Variants in RNF6 observed in about 807,000 individuals in gnomAD.
RNF6 encodes the protein E3 ubiquitin-protein ligase RNF6.
RNF6 carries 21 observed loss-of-function variants against 50.1 expected under a neutral mutation model. The ratio of observed to expected loss-of-function variants is 0.42; its 90% CI spans 0.30 to 0.60. RNF6 has a LOEUF of 0.60. Ranked by LOEUF, RNF6 falls within the 20% of genes least tolerant of loss-of-function variation. RNF6 has a pLI of 0.20. For missense variants in RNF6, 698 were observed against 838.2 expected (o/e 0.83, Z 2.07); for synonymous variants, 255 against 291.8 (o/e 0.87, Z 1.29).
At position 26,214,700 on chromosome 13, in the gene RNF6, A is replaced by G. The variant is rs141651510; in HGVS notation, c.1182T>C (p.His394=). 1.9e-6 allele frequency: 3 copies of G among 1,614,072 alleles called. No homozygotes were observed. Among genetic ancestry groups the G allele is most frequent in the Non-Finnish European group, 2.5e-6 (3 of 1,180,044 alleles). ...SSRSSTAVRR[H]PTITLDLQVR... is the part of the protein sequence containing the mutation. ...CTTGAAGGTCCAGTGTGATTGTTGG[A>G]TGTCGTCGTACAGCAGTTGAGGATC... The change falls in exon 5 of 5, where the codon CAT becomes CAC. Residue 394 remains histidine (H), a synonymous_variant. Transcript: ENST00000381588.
intron 5 of RNF6, among the ~76,000 whole-genome samples, chr13:26,161,479 C>T (rs963152036): frequency 1.3e-5 from 2 of 152,062 alleles, no homozygotes; most frequent in Non-Finnish European, 2.9e-5. Flanking sequence ...TTATTTAGGT[C>T]CCCTTTGTGT....
chr13:26,184,987 T>TATTG (rs139595924), intron 5 of RNF6, among the ~76,000 whole-genome samples: 20,153 of 151,646 alleles, frequency 0.13, 2,015 homozygotes, highest in African/African-American at 0.29. Flanking sequence ...GTTATCATTT[T>TATTG]ATTGATTGAT....
intron 5 of RNF6, among the ~76,000 whole-genome samples, chr13:26,201,569 C>T (rs1421264692): frequency 1.3e-5 from 2 of 152,102 alleles, no homozygotes; most frequent in Non-Finnish European, 2.9e-5. Flanking sequence ...ATTTAAGATT[C>T]CTGCCAGCCT....
At chr13:26,145,845 C>G (rs1397887909) in intron 5 of RNF6, among the ~76,000 whole-genome samples, 1 of 152,154 alleles carries the variant, frequency 6.6e-6, no homozygotes, top group African/African-American at 2.4e-5. Context: ...CTTGGCCTTT[C>G]CCACCACAAT....
intron 1 of RNF6, 66 bp downstream of exon 1, chr13:26,221,937 A>C (rs984933524): frequency 6.6e-6 from 1 of 152,480 alleles, no homozygotes; most frequent in East Asian, 1.9e-4. Context: ...GGCTCGAAGG[A>C]TGGCCTGCTT....
intron 5 of RNF6, among the ~76,000 whole-genome samples, chr13:26,174,736 C>T (rs1318941747): frequency 6.6e-6 from 1 of 152,140 alleles, no homozygotes; most frequent in African/African-American, 2.4e-5. Flanking sequence ...CAAACGGTCC[C>T]AATCCCAGAT....
Position 26,145,450 on chromosome 13 carries a change from A to C in RNF6, n.769-12999T>G, listed in dbSNP as rs68194307. Among the ~76,000 whole-genome samples, 19 of 27,444 alleles carry C rather than the reference A, an allele frequency of 6.9e-4. 1 individual carries two copies. The highest frequency in any genetic ancestry group is 3.8e-3 in the East Asian group (3 of 784). 18.0% of individuals were successfully genotyped at this position (27,444 alleles called of 152,430 possible). On this transcript the variant is annotated intron_variant and non_coding_transcript_variant, in intron 5 of 5. Transcript: ENST00000468480. ...AGTAGGAGGTGACTGAATCATGGGGAGGGGGGGGGACTTCCCCCTTACTGT... is the reference window on the plus strand; with the variant it reads ...AGTAGGAGGTGACTGAATCATGGGGCGGGGGGGGGACTTCCCCCTTACTGT...
chr13:26,199,647 T>C (rs4770957), intron 5 of RNF6, among the ~76,000 whole-genome samples: 70,758 of 152,046 alleles, frequency 0.47, 19,615 homozygotes, highest in East Asian at 0.69. Context: ...TATATGTATG[T>C]AGATATAAAT....
At chr13:26,138,482 T>C (rs1302107268) in intron 5 of RNF6, among the ~76,000 whole-genome samples, 1 of 152,202 alleles carries the variant, frequency 6.6e-6, no homozygotes, top group South Asian at 2.1e-4. Context: ...TTTTTCTTTG[T>C]AACTCCTTGT....
At chr13:26,198,288 T>C (rs1036737915) in intron 5 of RNF6, among the ~76,000 whole-genome samples, 1 of 151,820 alleles carries the variant, frequency 6.6e-6, no homozygotes, top group Admixed American at 6.6e-5. Flanking sequence ...TCAAGGGCAG[T>C]CTGCTGGCAA....
chr13:26,210,615 A>C (rs1431809625), downstream of RNF6, among the ~76,000 whole-genome samples: 1 of 152,226 alleles, frequency 6.6e-6, no homozygotes, highest in Non-Finnish European at 1.5e-5. Flanking sequence ...AAATATCTTT[A>C]GGAGGAATTA....
intron 5 of RNF6, among the ~76,000 whole-genome samples, chr13:26,196,248 C>T (rs1868654893): frequency 6.6e-6 from 1 of 151,766 alleles, no homozygotes; most frequent in African/African-American, 2.4e-5. Context: ...CAATGGAGGC[C>T]AGAAGTCAAA....
intron 5 of RNF6, among the ~76,000 whole-genome samples, chr13:26,154,474 T>G (rs909959765): frequency 6.6e-6 from 1 of 152,166 alleles, no homozygotes; most frequent in Non-Finnish European, 1.5e-5. Context: ...AAGGGGAAGA[T>G]GACAAAGAGT....
intron 5 of RNF6, among the ~76,000 whole-genome samples, chr13:26,155,428 T>G (rs1266251766): frequency 2.0e-5 from 3 of 152,112 alleles, no homozygotes; most frequent in African/African-American, 7.2e-5. Context: ...AAATCAAAAC[T>G]GCACGCATCC....
intron 5 of RNF6, among the ~76,000 whole-genome samples, chr13:26,174,835 G>T (rs1023407457): frequency 6.6e-6 from 1 of 151,798 alleles, no homozygotes; most frequent in Non-Finnish European, 1.5e-5. Context: ...CCTCCACACC[G>T]TGCTTCTGGG....
intron 5 of RNF6, among the ~76,000 whole-genome samples, chr13:26,192,170 G>A (rs1868488837): frequency 6.6e-6 from 1 of 152,178 alleles, no homozygotes; most frequent in Non-Finnish European, 1.5e-5. Context: ...TGCATTATAT[G>A]ATTTACATTT....
chr13:26,195,325 T>A (rs371486369), intron 5 of RNF6, among the ~76,000 whole-genome samples: 14 of 151,956 alleles, frequency 9.2e-5, no homozygotes, highest in African/African-American at 3.1e-4. Flanking sequence ...AGTTTTAGGG[T>A]ATCTTAACAG....
At chr13:26,176,838 G>T (rs1397335291) in intron 5 of RNF6, among the ~76,000 whole-genome samples, 1 of 152,198 alleles carries the variant, frequency 6.6e-6, no homozygotes, top group Non-Finnish European at 1.5e-5. Context: ...GGAGGCTGAG[G>T]CAGGAGAATC....
chr13:26,157,926 A>T (rs56137727), intron 5 of RNF6, among the ~76,000 whole-genome samples: 1 of 138,150 alleles, frequency 7.2e-6, no homozygotes, highest in African/African-American at 2.9e-5. Flanking sequence ...ATGGATGGAT[A>T]GATGGATAGA....
Sources: allele counts gnomAD v4.1 joint callset (sites outside exome capture counted in the v4.1 genomes callset), GRCh38; gene constraint gnomAD v4.1.1; transcripts MANE v1.5; gene names NCBI Gene and HGNC (gene_info 2026-07-23, HGNC 2026-07-21).